The following CAMK2B variants were observed in gnomAD, a reference collection of about 807,000 sequenced individuals.
CAMK2B encodes calcium/calmodulin dependent protein kinase II beta.
Under a neutral mutation model 93.7 loss-of-function variants are expected in CAMK2B, and 27 were observed. The observed-to-expected ratio is 0.29, with a 90% CI of 0.21 to 0.40. The LOEUF is 0.40. Ranked by LOEUF, CAMK2B falls within the 10% of genes least tolerant of loss-of-function variation. The probability of loss-of-function intolerance (pLI) is 1.00; values close to 1 mark genes in which losing one functional copy is unlikely to be tolerated. For synonymous variants in CAMK2B, 374 were observed against 358.8 expected, an observed-to-expected ratio of 1.04 and a Z score of -0.48; for missense variants, 568 against 895.8, an observed-to-expected ratio of 0.63 and a Z score of 4.67.
intron 15 of CAMK2B, among the ~76,000 whole-genome samples, chr7:44,233,127 A>C (rs540751284): frequency 1.3e-3 from 204 of 152,048 alleles, no homozygotes; most frequent in African/African-American, 4.7e-3. Flanking sequence ...AGGGTGGGAG[A>C]TGGACCGTGT....
chr7:44,248,465 C>A lies in CAMK2B; in HGVS notation c.342-1273G>T, dbSNP rs1346701539. Among the ~76,000 whole-genome samples, 1 of 152,216 alleles carries A rather than the reference C, an allele frequency of 6.6e-6. No individual in the cohort carries two copies. On this transcript the variant is annotated intron_variant, in intron 5 of 23. Transcript: ENST00000395749. The surrounding 1 kb of genome is among the most constrained non-coding windows in gnomAD (Gnocchi z 4.1). ...CAATGCAGGGTGATAGCAGCCACCA[C>A]CTCCGAGGCTGCCCTGCTGGGCCTG...
At chr7:44,306,737 A>G (rs146929064) in intron 1 of CAMK2B, among the ~76,000 whole-genome samples, 1 of 139,790 alleles carries the variant, frequency 7.2e-6, no homozygotes. Context: ...GGGTGTGGGC[A>G]GGAGGAGGAG....
At chr7:44,242,366 C>A in intron 9 of CAMK2B, 26 bp from the exon 10 acceptor site, 1 of 1,606,086 alleles carries the variant, frequency 6.2e-7, no homozygotes. Context: ...GCGCCCCGGC[C>A]GGGCCTGAAG....
rs957616608 is a variant in CAMK2B at position 44,225,425 on chromosome 7, G to T, written c.1597+1091C>A. Among the ~76,000 whole-genome samples the T allele has an allele frequency of 6.6e-6, 1 of 151,920 alleles. No homozygotes were observed. Among genetic ancestry groups the T allele is most frequent in the African/African-American group, 2.4e-5 (1 of 41,354 alleles). ...ATGCCTCCCTCCTTGAGTTCTGGTC[G>T]CCCAGGCACCCCGACCCTATCAGCA... On this transcript the variant is annotated intron_variant, in intron 20 of 23. Coordinates refer to ENST00000395749, the MANE Select transcript of CAMK2B (RefSeq NM_001220.5). This position sits in a 1 kb window ranked among gnomAD's most constrained non-coding sequence, Gnocchi z 5.0.
chr7:44,300,450 C>T (rs1014297754), intron 1 of CAMK2B, among the ~76,000 whole-genome samples: 15 of 151,776 alleles, frequency 9.9e-5, no homozygotes, highest in African/African-American at 2.9e-4. Context: ...GTGGGAGCCA[C>T]TGCACCCACC....
chr7:44,220,887 T>A lies in CAMK2B; in HGVS notation c.1612A>T (p.Ile538Phe), dbSNP rs2128862639. 1.3e-6 allele frequency: 2 copies of A among 1,569,556 alleles called. No homozygotes were observed. The highest frequency in any genetic ancestry group is 1.3e-5 in the African/African-American group (1 of 74,142). Residue 538 changes from isoleucine (I) to phenylalanine (F), a missense_variant, in exon 21 of 24, where the codon ATC becomes TTC. Around this residue, in one of 4 missense-constraint regions of CAMK2B, gnomAD observed 308 missense variants for 292.1 expected, o/e 1.05. Coordinates refer to ENST00000395749, the MANE Select transcript of CAMK2B (RefSeq NM_001220.5). The stretch of plus-strand genomic sequence containing the variant: ...ATGAGCTGCTCCGTGGTCTTAATGA[T>A]CTCCTGCTTCCGGGCTGTGGGGAGA... ...PLPTPSRKQE[I>F]IKTTEQLIEA...
intron 1 of CAMK2B, among the ~76,000 whole-genome samples, chr7:44,290,532 G>A (rs1300274463): frequency 6.6e-6 from 1 of 152,248 alleles, no homozygotes; most frequent in African/African-American, 2.4e-5. Flanking sequence ...TCCATGAGGA[G>A]GCCTGGGCTA....
At position 44,226,505 on chromosome 7, in the gene CAMK2B, G is replaced by T. The variant is rs753997947; in HGVS notation, c.1597+11C>A. The stretch of plus-strand genomic sequence containing the variant: ...GCAGCCGCTGCCACGGCCACTCAAG[G>T]TGCTACTTACATGGGGTGGGCAGGG... On this transcript the variant is annotated intron_variant, in intron 20 of 23. Coordinates refer to ENST00000395749, the MANE Select transcript of CAMK2B (RefSeq NM_001220.5). The T allele has an allele frequency of 7.1e-7, 1 of 1,415,770 alleles. No homozygotes were observed. Among genetic ancestry groups the T allele is most frequent in the South Asian group, 1.8e-5 (1 of 57,104 alleles). The allele number at this position is 1,415,770 out of a possible 1,614,324, so 87.7% of individuals were successfully genotyped here.
chr7:44,300,034 G>GTA (rs1371747055), intron 1 of CAMK2B, among the ~76,000 whole-genome samples: 21 of 151,264 alleles, frequency 1.4e-4, no homozygotes, highest in African/African-American at 4.9e-4. Context: ...GTGTGTGTGT[G>GTA]TGTGTGTGTG....
intron 6 of CAMK2B, chr7:44,244,831 C>T (rs956395665): frequency 6.4e-5 from 27 of 420,488 alleles, no homozygotes; most frequent in African/African-American, 5.1e-4. Flanking sequence ...CGGGATGAGG[C>T]CGTGTGCCCC....
At chr7:44,301,133 T>A (rs966326341) in intron 1 of CAMK2B, among the ~76,000 whole-genome samples, 1 of 152,166 alleles carries the variant, frequency 6.6e-6, no homozygotes, top group African/African-American at 2.4e-5. Context: ...CTTTATTATT[T>A]ATTTATTTTT....
At chr7:44,261,731 C>G (rs959012259) in intron 3 of CAMK2B, among the ~76,000 whole-genome samples, 4 of 152,230 alleles carry the variant, frequency 2.6e-5, no homozygotes, top group African/African-American at 9.6e-5. Context: ...CATCAGACGG[C>G]AAATTCACAG....
At chr7:44,237,557 C>T (rs1467105495) in intron 13 of CAMK2B, among the ~76,000 whole-genome samples, 3 of 152,194 alleles carry the variant, frequency 2.0e-5, no homozygotes, top group Admixed American at 6.5e-5. Context: ...TGCATGGGCC[C>T]GGCCCTCCTG....
chr7:44,228,731 A>G, intron 19 of CAMK2B, 65 bp downstream of exon 19: 1 of 1,390,188 alleles, frequency 7.2e-7, no homozygotes, highest in Non-Finnish European at 9.4e-7. Context: ...GAAGCTGCTG[A>G]GCGCCGGCCA....
chr7:44,314,136 T>C (rs1794260695), intron 1 of CAMK2B, among the ~76,000 whole-genome samples: 1 of 152,236 alleles, frequency 6.6e-6, no homozygotes, highest in South Asian at 2.1e-4. Flanking sequence ...ATTTAATTCA[T>C]ATACCAAACA....
chr7:44,234,185 T>C (rs771836682), intron 15 of CAMK2B, among the ~76,000 whole-genome samples: 4 of 152,170 alleles, frequency 2.6e-5, no homozygotes, highest in Non-Finnish European at 5.9e-5. Context: ...GTCCTAAACC[T>C]GTCTGAATTG....
At chr7:44,314,894 T>C (rs573291705) in intron 1 of CAMK2B, among the ~76,000 whole-genome samples, 3 of 152,232 alleles carry the variant, frequency 2.0e-5, no homozygotes, top group Non-Finnish European at 4.4e-5. Context: ...GAGAAATGTC[T>C]AAGTCCTTTG....
rs184866493 is a variant in CAMK2B at position 44,217,980 on chromosome 7, C to A, written c.*1545G>T. The A allele has an allele frequency of 2.0e-5, 3 of 152,414 alleles. No individual in the cohort carries two copies. The highest frequency in any genetic ancestry group is 7.2e-5 in the African/African-American group (3 of 41,448). 9.4% of individuals were successfully genotyped at this position (152,414 alleles called of 1,614,324 possible). On this transcript the variant is annotated 3_prime_UTR_variant, in exon 24 of 24. Transcript: ENST00000395749. ...CACCGCCTCGAACCCAGGCAGCCGA[C>A]GCTCAGGAGCACAGGGCTAGACCCT...
intron 5 of CAMK2B, among the ~76,000 whole-genome samples, chr7:44,249,997 G>A (rs1388557819): frequency 2.6e-5 from 4 of 152,258 alleles, no homozygotes; most frequent in Middle Eastern, 3.4e-3. Flanking sequence ...AGGGTATGAC[G>A]GGGACTTGGC....
Sources: allele counts gnomAD v4.1 joint callset (sites outside exome capture counted in the v4.1 genomes callset), GRCh38; gene constraint gnomAD v4.1.1; regional missense constraint gnomAD v4.1.1; non-coding constraint Gnocchi (gnomAD v3.1); transcripts MANE v1.5; gene names NCBI Gene and HGNC (gene_info 2026-07-23, HGNC 2026-07-21).